The following ABCC9 variants were observed in gnomAD, a reference collection of about 807,000 sequenced individuals.
The protein encoded by ABCC9 is ATP binding cassette subfamily C member 9.
A neutral mutation model predicts 188.3 loss-of-function variants in ABCC9; 95 were observed. The observed-to-expected ratio is 0.50, with a 90% confidence interval of 0.43 to 0.60. The LOEUF is 0.60. ABCC9 is among the 20% of genes least tolerant of loss of function. ABCC9 has a pLI of 0.00. For missense variants in ABCC9, 1,102 were observed against 1,876.3 expected, an observed-to-expected ratio of 0.59 and a Z score of 7.62; for synonymous variants, 659 against 652.7, an observed-to-expected ratio of 1.01 and a Z score of -0.15.
intron 10 of ABCC9, 42 bp from the exon 11 acceptor site, chr12:21,908,253 G>A (rs771101698): frequency 6.2e-7 from 1 of 1,605,654 alleles, no homozygotes. Context: ...TGAATGGGTT[G>A]TGGGAGCCAT....
At chr12:21,916,747 T>C (rs919032450) in intron 6 of ABCC9, among the ~76,000 whole-genome samples, 190 bp downstream of exon 6, 2 of 152,164 alleles carry the variant, frequency 1.3e-5, no homozygotes, top group Non-Finnish European at 2.9e-5. Flanking sequence ...ATAAATAGTT[T>C]CTAGGGTCAC....
chr12:21,919,388 T>A (rs568004484), intron 5 of ABCC9, among the ~76,000 whole-genome samples: 1 of 151,908 alleles, frequency 6.6e-6, no homozygotes, highest in African/African-American at 2.4e-5. Flanking sequence ...TCAGGAAATA[T>A]CATGAATAAC....
chr12:21,919,820 A>G (rs1948734511), intron 5 of ABCC9, among the ~76,000 whole-genome samples: 2 of 152,098 alleles, frequency 1.3e-5, no homozygotes, highest in Non-Finnish European at 1.5e-5. Flanking sequence ...TTACAAGAAA[A>G]TAACTGATGA....
chr12:21,829,295 G>A (rs768321680), intron 30 of ABCC9, among the ~76,000 whole-genome samples: 12 of 129,278 alleles, frequency 9.3e-5, no homozygotes, highest in Admixed American at 2.8e-4. Context: ...TCCGCCTCCC[G>A]GGCTCACACC....
intron 15 of ABCC9, among the ~76,000 whole-genome samples, chr12:21,886,846 A>G (rs1372577465): frequency 3.3e-5 from 5 of 152,122 alleles, no homozygotes; most frequent in African/African-American, 1.2e-4. Context: ...CCTGCATGGA[A>G]TGCTCTTTTC....
intron 15 of ABCC9, among the ~76,000 whole-genome samples, chr12:21,883,100 CT>C (rs1180558529): frequency 6.6e-6 from 1 of 152,140 alleles, no homozygotes; most frequent in Non-Finnish European, 1.5e-5. Context: ...AAATAGGATA[CT>C]TGCAAATGAT....
chr12:21,893,993 T>C, intron 14 of ABCC9, 39 bp downstream of exon 14: 1 of 1,609,628 alleles, frequency 6.2e-7, no homozygotes, highest in South Asian at 1.1e-5. Flanking sequence ...TCATTTCTAT[T>C]ATCAATAAGC....
chr12:21,920,881 G>T (rs1565486336), intron 5 of ABCC9, among the ~76,000 whole-genome samples: 1 of 151,954 alleles, frequency 6.6e-6, no homozygotes, highest in Admixed American at 6.6e-5. Context: ...CATCCATGTG[G>T]TTGCAAATGA....
At chr12:21,822,570 C>T (rs1210963637) in intron 31 of ABCC9, among the ~76,000 whole-genome samples, 2 of 151,976 alleles carry the variant, frequency 1.3e-5, no homozygotes, top group African/African-American at 2.4e-5. Flanking sequence ...GAGGTCAAGG[C>T]GGTCAGATCA....
chr12:21,851,517 A>G (rs922589866), intron 24 of ABCC9, among the ~76,000 whole-genome samples: 5 of 152,198 alleles, frequency 3.3e-5, no homozygotes, highest in African/African-American at 4.8e-5. Flanking sequence ...AGTTTGTGAG[A>G]ATTAAAACAC....
chr12:21,802,626 A>G (rs1461980380), intron 39 of ABCC9, among the ~76,000 whole-genome samples: 2 of 152,214 alleles, frequency 1.3e-5, no homozygotes, highest in Non-Finnish European at 2.9e-5. Flanking sequence ...CGAACTATCA[A>G]CATTTCAAAT....
At position 21,864,932 on chromosome 12, in the gene ABCC9, C is replaced by T. The variant is rs181296232; in HGVS notation, c.2199-455G>A. On this transcript the variant is annotated intron_variant, in intron 18 of 39. Transcript: ENST00000261200. ...AGAAATACTTTTTGGGCACTAAACA[C>T]GAAAGATACACAAAACACACTGGCC... Among the ~76,000 whole-genome samples, 445 of 152,168 alleles carry T rather than the reference C, an allele frequency of 2.9e-3. 4 individuals carry two copies. The highest frequency in any genetic ancestry group is 9.7e-3 in the African/African-American group (401 of 41,538).
chr12:21,887,120 G>A (rs1163401903), intron 15 of ABCC9, among the ~76,000 whole-genome samples: 1 of 152,072 alleles, frequency 6.6e-6, no homozygotes, highest in Non-Finnish European at 1.5e-5. Context: ...TTGGCACAAA[G>A]CACAGGGCAG....
chr12:21,926,076 G>GTA lies in ABCC9; in HGVS notation c.285-15_285-14dup. On this transcript the variant is annotated splice_polypyrimidine_tract_variant and intron_variant, in intron 4 of 39. Coordinates refer to ENST00000261200, the MANE Select transcript of ABCC9 (RefSeq NM_020297.4). ...TGATTCCCGCCGCCTAGAAAGAGCA[G>GTA]TACGTCAACGCCTAAAGCTGATGGT... 2 of 1,613,960 alleles carry GTA rather than the reference G, an allele frequency of 1.2e-6. No homozygotes were observed. Among genetic ancestry groups the GTA allele is most frequent in the South Asian group, 1.1e-5 (1 of 91,084 alleles).
intron 39 of ABCC9, among the ~76,000 whole-genome samples, chr12:21,804,118 G>A (rs555542640): frequency 5.3e-5 from 8 of 152,210 alleles, no homozygotes; most frequent in African/African-American, 1.9e-4. Context: ...GGGGCGGGTG[G>A]GAGCAGGGAA....
chr12:21,828,033 C>T (rs1273899680), intron 31 of ABCC9, among the ~76,000 whole-genome samples: 1 of 152,148 alleles, frequency 6.6e-6, no homozygotes, highest in Admixed American at 6.5e-5. Context: ...TGAAAGAAAG[C>T]CTATATGTTA....
rs137946849 is a variant in ABCC9 at position 21,890,371 on chromosome 12, C to G, written c.1803-2437G>C. Among the ~76,000 whole-genome samples, 607 of 152,238 alleles carry G rather than the reference C, an allele frequency of 4.0e-3. 8 individuals are homozygous for G. Among genetic ancestry groups the G allele is most frequent in the African/African-American group, 0.013 (558 of 41,542 alleles). On this transcript the variant is annotated intron_variant, in intron 14 of 39. Coordinates refer to ENST00000261200, the MANE Select transcript of ABCC9 (RefSeq NM_020297.4). ...GCCTTGATACTTCCCACATCAGAAC[C>G]CTTCCTCCAATGACACTGAACTACT...
At chr12:21,936,948 C>A (rs866882181) in intron 2 of ABCC9, among the ~76,000 whole-genome samples, 1 of 152,080 alleles carries the variant, frequency 6.6e-6, no homozygotes, top group South Asian at 2.1e-4. Context: ...TAATTAATAT[C>A]TACCTATAGT....
chr12:21,877,990 T>C (rs910226118), intron 16 of ABCC9, among the ~76,000 whole-genome samples: 4 of 124,768 alleles, frequency 3.2e-5, no homozygotes, highest in African/African-American at 1.3e-4. Flanking sequence ...GAGTTCAAGA[T>C]ATTGAAGGTT....
Sources: gnomAD v4.1 joint callset for allele counts (sites outside exome capture counted in the v4.1 genomes callset) on GRCh38, gnomAD v4.1.1 for gene constraint, MANE v1.5 for transcripts, NCBI Gene and HGNC (gene_info 2026-07-23, HGNC 2026-07-21) for gene names.